The following ANK1 variants were observed in gnomAD, a reference collection of about 807,000 sequenced individuals.
ANK1 encodes ankyrin-1.
ANK1 carries 51 observed loss-of-function variants against 210.4 expected under a neutral mutation model. That is an observed-to-expected ratio of 0.24 (90% CI 0.19 to 0.31). ANK1 has a LOEUF of 0.31. Among genes scored for constraint, ANK1 ranks in the 10% least tolerant of loss-of-function variants. The pLI, the probability that ANK1 is intolerant of heterozygous loss-of-function variation, is 1.00. For synonymous variants in ANK1, 967 were observed against 1,025.9 expected (o/e 0.94, Z 1.10); for missense variants, 2,051 against 2,504.4 (o/e 0.82, Z 3.86).
intron 1 of ANK1, among the ~76,000 whole-genome samples, chr8:41,894,990 C>T (rs1820203412): frequency 1.3e-5 from 2 of 152,102 alleles, no homozygotes; most frequent in South Asian, 4.2e-4. Flanking sequence ...GAGGTGGGGA[C>T]GTCAGTTTCT....
At chr8:41,736,772 C>T (rs1008264058) in intron 2 of ANK1, among the ~76,000 whole-genome samples, 3 of 152,152 alleles carry the variant, frequency 2.0e-5, no homozygotes, top group East Asian at 1.9e-4. Flanking sequence ...GCCAATGTCA[C>T]GATTTCAATC....
chr8:41,690,191 T>C, intron 33 of ANK1, 36 bp downstream of exon 33: 1 of 1,613,824 alleles, frequency 6.2e-7, no homozygotes, highest in African/African-American at 1.3e-5. Context: ...AGGGAAGCCG[T>C]CTCGGGCCAA....
At chr8:41,690,728 A>G (rs1368951954) in intron 31 of ANK1, 129 bp from the exon 32 acceptor site, 2 of 1,425,120 alleles carry the variant, frequency 1.4e-6, no homozygotes. Flanking sequence ...GTGTGTGCTG[A>G]GAAATCCACT....
chr8:41,807,717 G>A (rs991985980), intron 1 of ANK1, among the ~76,000 whole-genome samples: 1 of 152,154 alleles, frequency 6.6e-6, no homozygotes, highest in Non-Finnish European at 1.5e-5. Flanking sequence ...TTAGGGCATT[G>A]ACTTCCTCTC....
At chr8:41,690,382 C>A in intron 32 of ANK1, 36 bp from the exon 33 acceptor site, 9 of 1,614,220 alleles carry the variant, frequency 5.6e-6, no homozygotes, top group Non-Finnish European at 6.8e-6. Context: ...TTCAGGGGCC[C>A]TTTTCTAGGC....
intron 7 of ANK1, 128 bp downstream of exon 7, chr8:41,724,328 G>T (rs1830125699): frequency 3.7e-6 from 3 of 815,156 alleles, no homozygotes; most frequent in African/African-American, 1.7e-5. Context: ...CAAGGAGCCC[G>T]ACCAGACAGC....
chr8:41,830,964 A>T (rs140503894), intron 1 of ANK1, among the ~76,000 whole-genome samples: 18 of 152,284 alleles, frequency 1.2e-4, no homozygotes, highest in Admixed American at 2.6e-4. Flanking sequence ...CTTTTTGGTC[A>T]CATTCCTTAT....
intron 1 of ANK1, among the ~76,000 whole-genome samples, chr8:41,789,758 C>A (rs1390651999): frequency 6.6e-6 from 1 of 152,236 alleles, no homozygotes; most frequent in Admixed American, 6.5e-5. Context: ...ATTAACTGTT[C>A]AACCCTGTTT....
At chr8:41,776,026 C>T (rs1843952987) in intron 1 of ANK1, among the ~76,000 whole-genome samples, 1 of 152,182 alleles carries the variant, frequency 6.6e-6, no homozygotes, top group African/African-American at 2.4e-5. Context: ...GCAGCTAAGG[C>T]ACAAAAACAT....
chr8:41,686,886 G>A (rs1817819675), intron 35 of ANK1, among the ~76,000 whole-genome samples: 1 of 152,222 alleles, frequency 6.6e-6, no homozygotes, highest in Non-Finnish European at 1.5e-5. Context: ...AAGGAAAATA[G>A]CATTAGAGTC....
intron 1 of ANK1, among the ~76,000 whole-genome samples, chr8:41,869,629 G>A (rs1815103239): frequency 3.9e-5 from 6 of 152,148 alleles, no homozygotes; most frequent in Admixed American, 3.9e-4. Context: ...GACCAGGGAA[G>A]ACCAGGACCA....
intron 1 of ANK1, among the ~76,000 whole-genome samples, chr8:41,789,865 T>A (rs1847265875): frequency 6.6e-6 from 1 of 152,204 alleles, no homozygotes; most frequent in Non-Finnish European, 1.5e-5. Context: ...GTGCTTCTTG[T>A]ATGGTAAAAT....
At chr8:41,818,133 C>A (rs947313639) in intron 1 of ANK1, among the ~76,000 whole-genome samples, 1 of 152,190 alleles carries the variant, frequency 6.6e-6, no homozygotes, top group South Asian at 2.1e-4. Context: ...AATAACTATC[C>A]ACGGGAGGGA....
intron 10 of ANK1, among the ~76,000 whole-genome samples, chr8:41,718,749 A>C (rs1013011905): frequency 6.6e-6 from 1 of 152,076 alleles, no homozygotes; most frequent in Admixed American, 6.5e-5. Context: ...TATCGTTTGC[A>C]CCTCACCCCC....
chr8:41,833,762 C>CA (rs1807108081), intron 1 of ANK1, among the ~76,000 whole-genome samples: 1 of 152,136 alleles, frequency 6.6e-6, no homozygotes, highest in South Asian at 2.1e-4. Context: ...GTGTACAGAA[C>CA]AATCCTGGCA....
chr8:41,792,251 G>A (rs371610972), intron 1 of ANK1, among the ~76,000 whole-genome samples: 34 of 152,304 alleles, frequency 2.2e-4, no homozygotes, highest in African/African-American at 7.0e-4. Context: ...ACTGCCTGTC[G>A]GAGAATGATG....
chr8:41,818,180 C>T (rs946340010), intron 1 of ANK1, among the ~76,000 whole-genome samples: 13 of 152,230 alleles, frequency 8.5e-5, no homozygotes, highest in African/African-American at 3.1e-4. Flanking sequence ...AACACCAAGA[C>T]TCAATTCAAA....
intron 1 of ANK1, chr8:41,803,570 T>C (rs2150778775): frequency 6.6e-6 from 1 of 152,114 alleles, no homozygotes; most frequent in African/African-American, 2.4e-5. Flanking sequence ...TCTTGCTCTA[T>C]TACATTGGGT....
At chr8:41,679,785 C>T (rs1054311906) in intron 37 of ANK1, among the ~76,000 whole-genome samples, 2 of 151,426 alleles carry the variant, frequency 1.3e-5, no homozygotes, top group South Asian at 2.1e-4. Flanking sequence ...AGGATGGTCT[C>T]GATCTCCTGA....
Sources: allele counts gnomAD v4.1 joint callset (sites outside exome capture counted in the v4.1 genomes callset), GRCh38; gene constraint gnomAD v4.1.1; transcripts MANE v1.5; gene names NCBI Gene and HGNC (gene_info 2026-07-23, HGNC 2026-07-21).